The following AOX1 variants were observed in gnomAD, a reference collection of about 807,000 sequenced individuals.
AOX1 encodes aldehyde oxidase 1.
A neutral mutation model predicts 169.5 loss-of-function variants in AOX1; 153 were observed. The ratio of observed to expected loss-of-function variants is 0.90; its 90% confidence interval spans 0.79 to 1.03. AOX1 has a LOEUF of 1.03. Ranked by LOEUF, AOX1 falls within the 50% of genes least tolerant of loss-of-function variation. The pLI is 0.00. For synonymous variants in AOX1, 562 were observed against 581.9 expected (o/e 0.97, Z 0.49); for missense variants, 1,656 against 1,663.9 (o/e 1.00, Z 0.08).
chr2:200,592,496 T>C (rs1414253381), intron 1 of AOX1, among the ~76,000 whole-genome samples: 1 of 152,168 alleles, frequency 6.6e-6, no homozygotes, highest in Non-Finnish European at 1.5e-5. Flanking sequence ...ATAACCAATC[T>C]TGACATTTTG....
Position 200,604,690 on chromosome 2 carries a change from C to T in AOX1, c.670-6C>T. On this transcript the variant is annotated splice_region_variant and splice_polypyrimidine_tract_variant and intron_variant, in intron 8 of 34. Transcript: ENST00000374700. The stretch of plus-strand genomic sequence containing the variant: ...GTACCTTGAATCCCTATTGCTTTTT[C>T]AATAGATAATGGCTGAGAAACAGTC... The T allele has an allele frequency of 5.0e-6, 8 of 1,613,754 alleles. No homozygotes were observed. The highest frequency in any genetic ancestry group is 6.8e-6 in the Non-Finnish European group (8 of 1,179,912).
chr2:200,662,441 A>C (rs577541459), intron 30 of AOX1, among the ~76,000 whole-genome samples: 1 of 152,342 alleles, frequency 6.6e-6, no homozygotes, highest in Non-Finnish European at 1.5e-5. Context: ...ATGGGACCTG[A>C]TCCTTCACAC....
intron 25 of AOX1, among the ~76,000 whole-genome samples, chr2:200,643,643 C>T (rs902689782): frequency 1.3e-5 from 2 of 152,162 alleles, no homozygotes; most frequent in Non-Finnish European, 2.9e-5. Flanking sequence ...CACTGTCTTC[C>T]ATAGTGGCTG....
intron 10 of AOX1, 125 bp from the exon 11 acceptor site, chr2:200,608,859 C>CT: frequency 1.2e-6 from 1 of 809,506 alleles, no homozygotes; most frequent in South Asian, 1.9e-5. Flanking sequence ...CCCATCACCA[C>CT]CATCACCAAT....
chr2:200,614,415 T>G (rs2034708087), intron 15 of AOX1, among the ~76,000 whole-genome samples: 1 of 152,200 alleles, frequency 6.6e-6, no homozygotes, highest in Non-Finnish European at 1.5e-5. Flanking sequence ...GACTGTGAAA[T>G]GCGTCATTGT....
intron 25 of AOX1, among the ~76,000 whole-genome samples, chr2:200,650,098 C>T (rs908835957): frequency 2.0e-5 from 3 of 152,120 alleles, no homozygotes; most frequent in Non-Finnish European, 2.9e-5. Flanking sequence ...TTCTCTTGAA[C>T]GTGTGGGAGG....
Position 200,623,794 on chromosome 2 carries a change from G to A in AOX1, c.2002-67G>A, listed in dbSNP as rs564959561. 3.2e-5 allele frequency: 52 copies of A among 1,607,498 alleles called. No individual in the cohort carries two copies. The African/African-American group carries it at 6.5e-4, about 20-fold the overall frequency. Reference sequence around the variant, plus strand: ...GTAATCGAGTACTAGGAGGGAGGAAGAAAATGAATAAAAGAGAGGACCTGA... The same window carrying A: ...GTAATCGAGTACTAGGAGGGAGGAAAAAAATGAATAAAAGAGAGGACCTGA... On this transcript the variant is annotated intron_variant, in intron 18 of 34. Transcript: ENST00000374700.
intron 12 of AOX1, among the ~76,000 whole-genome samples, chr2:200,610,538 T>G (rs1574918757): frequency 6.6e-6 from 1 of 152,300 alleles, no homozygotes; most frequent in South Asian, 2.1e-4. Context: ...CTTCCTTATA[T>G]ATTAATTAAA....
downstream of AOX1, among the ~76,000 whole-genome samples, chr2:200,679,613 C>T (rs187883694): frequency 3.3e-5 from 5 of 152,176 alleles, no homozygotes; most frequent in African/African-American, 9.6e-5. Flanking sequence ...AGGCTTATTA[C>T]ACTTCCATAA....
In AOX1 at chr2:200,669,759, GA is replaced by G. The variant is rs778430534; in HGVS notation, c.3966+25del. 9.4e-6 allele frequency: 15 copies of G among 1,600,050 alleles called. No individual in the cohort carries two copies. Among genetic ancestry groups the G allele is most frequent in the South Asian group, 2.3e-5 (2 of 88,714 alleles). On this transcript the variant is annotated intron_variant, in intron 34 of 34. Transcript: ENST00000374700. The stretch of plus-strand genomic sequence containing the variant: ...ACAAAAATGGTACGTTTGCATGGTA[GA>G]AAAAAAATAGTGATCATAAAATTCT...
chr2:200,667,740 G>A lies in AOX1; in HGVS notation c.3610-875G>A, dbSNP rs367561107. 2.9e-3 allele frequency among the ~76,000 whole-genome samples: 444 copies of A among 152,024 alleles called. 2 individuals carry two copies. The highest frequency in any genetic ancestry group is 9.5e-3 in the African/African-American group (393 of 41,446). ...GGAGGGAGTCAGAGAGCAGAAGAGG[G>A]CTGGGGACTGCCAGGGGTGGGTGGA... is the stretch of plus-strand genomic sequence containing the variant. On this transcript the variant is annotated intron_variant, in intron 32 of 34. Transcript: ENST00000374700.
Position 200,659,175 on chromosome 2 carries a change from G to A in AOX1, c.3182G>A (p.Arg1061His), listed in dbSNP as rs754213226. The A allele has an allele frequency of 2.4e-5, 38 of 1,613,588 alleles. No individual in the cohort carries two copies. The highest frequency in any genetic ancestry group is 1.5e-4 in the Admixed American group (9 of 59,946). ...VHTKMIQVVS[R>H]ELRMPMSNVH... ...TCTCTTAAAATTCAGGTGGTCAGCC[G>A]TGAATTAAGAATGCCAATGTCGAAT... is the stretch of plus-strand genomic sequence containing the variant. Residue 1061 changes from arginine (R) to histidine (H), a missense_variant, in exon 28 of 35, where the codon CGT (arginine) becomes CAT (histidine). Coordinates refer to ENST00000374700, the MANE Select transcript of AOX1 (RefSeq NM_001159.4).
chr2:200,603,365 A>C lies in AOX1; in HGVS notation c.588+9A>C, dbSNP rs1396971225. 2 of 1,608,494 alleles carry C rather than the reference A, an allele frequency of 1.2e-6. No homozygotes were observed. Among genetic ancestry groups the C allele is most frequent in the African/African-American group, 2.7e-5 (2 of 74,894 alleles). ...TTGAGGAAGGAAGTAAGGTCAGTGAAATGTAAAGCTTTTATAAGGCTTTCT... is the reference window on the plus strand; with the variant it reads ...TTGAGGAAGGAAGTAAGGTCAGTGACATGTAAAGCTTTTATAAGGCTTTCT... On this transcript the variant is annotated intron_variant, in intron 7 of 34. Transcript: ENST00000374700.
intron 20 of AOX1, among the ~76,000 whole-genome samples, chr2:200,633,994 G>A (rs1241920034): frequency 6.6e-6 from 1 of 152,104 alleles, no homozygotes; most frequent in African/African-American, 2.4e-5. Context: ...ATTGCAGCCT[G>A]ATGAGGGTGG....
Position 200,656,874 on chromosome 2 carries a change from C to T in AOX1, c.3108C>T (p.Gly1036=), listed in dbSNP as rs752808060. Residue 1036 remains glycine (G), a synonymous_variant, in exon 27 of 35, where the codon GGC becomes GGT. Coordinates refer to ENST00000374700, the MANE Select transcript of AOX1 (RefSeq NM_001159.4). ...CCTTGGTTCACATTTATCTTGATGG[C>T]TCTGTGCTGGTCACTCACGGTGGAA... ...AAALVHIYLD[G]SVLVTHGGIE... is the part of the protein sequence containing the mutation. 6.3e-7 allele frequency: 1 copy of T among 1,587,106 alleles called. No individual in the cohort carries two copies. The highest frequency in any genetic ancestry group is 8.6e-7 in the Non-Finnish European group (1 of 1,166,110).
Position 200,612,716 on chromosome 2 carries a change from A to C in AOX1, c.1371A>C (p.Arg457Ser). The C allele has an allele frequency of 1.2e-6, 2 of 1,614,052 alleles. No individual in the cohort carries two copies. The highest frequency in any genetic ancestry group is 1.7e-6 in the Non-Finnish European group (2 of 1,179,968). Residue 457 changes from arginine (R) to serine (S), a missense_variant, in exon 14 of 35, where the codon AGA becomes AGC. By Grantham distance (110) the Arg-to-Ser change is moderately radical. Coordinates refer to ENST00000374700, the MANE Select transcript of AOX1 (RefSeq NM_001159.4). ...VFFGEGDGII[R>S]ELCISYGGVG... ...TTGGAGAAGGGGATGGCATTATTAGAGAGTTATGCATCTCATATGGAGGCG... is the reference window on the plus strand; with the variant it reads ...TTGGAGAAGGGGATGGCATTATTAGCGAGTTATGCATCTCATATGGAGGCG...
At chr2:200,659,784 TCTCACA>T (rs1397451954) in intron 28 of AOX1, among the ~76,000 whole-genome samples, 30 of 79,626 alleles carry the variant, frequency 3.8e-4, no homozygotes, top group African/African-American at 1.2e-3. Flanking sequence ...CAGTTCTCTC[TCTCACA>T]CACACACACA....
At chr2:200,619,584 C>A (rs1272516258) in intron 16 of AOX1, among the ~76,000 whole-genome samples, 1 of 152,220 alleles carries the variant, frequency 6.6e-6, no homozygotes, top group African/African-American at 2.4e-5. Context: ...ACACACCCGA[C>A]TGGGAAAGCC....
chr2:200,630,147 G>T (rs1371155578), intron 20 of AOX1, among the ~76,000 whole-genome samples: 2 of 148,264 alleles, frequency 1.3e-5, no homozygotes, highest in African/African-American at 5.0e-5. Flanking sequence ...GCTGAAGCAG[G>T]CAGATTGCTT....
Sources: gnomAD v4.1 joint callset for allele counts (sites outside exome capture counted in the v4.1 genomes callset) on GRCh38, gnomAD v4.1.1 for gene constraint, MANE v1.5 for transcripts, NCBI Gene and HGNC (gene_info 2026-07-23, HGNC 2026-07-21) for gene names.